Variants in DYM observed in about 807,000 individuals in gnomAD.
DYM encodes the protein dymeclin.
Under a neutral mutation model 93.1 loss-of-function variants are expected in DYM, and 78 were observed. The observed-to-expected ratio is 0.84, with a 90% CI of 0.70 to 1.01. The LOEUF is 1.01. Ranked by LOEUF, DYM falls within the 50% of genes least tolerant of loss-of-function variation. The pLI, the probability that DYM is intolerant of heterozygous loss-of-function variation, is 0.00. For synonymous variants in DYM, 321 were observed against 319.7 expected (o/e 1.00, Z -0.04); for missense variants, 789 against 845.0 (o/e 0.93, Z 0.82).
chr18:49,272,248 A>G lies in DYM; in HGVS notation c.1181T>C (p.Val394Ala), dbSNP rs748947656. The G allele has an allele frequency of 3.1e-6, 5 of 1,595,930 alleles. No homozygotes were observed. In the African/African-American group the frequency reaches 6.7e-5, roughly 21 times the overall value. ...YHVEERNSHH[V>A]YMALIILLIL... ...CAACAATATTATAAGGGCCATATAC[A>G]CATGGTGTGAATTCCTTTCTTCAAC... The change falls in exon 11 of 18, where the codon GTG (valine) becomes GCG (alanine). Residue 394 changes from valine (V) to alanine (A), a missense_variant. Coordinates refer to ENST00000675505, the MANE Select transcript of DYM (RefSeq NM_001353214.3).
intron 14 of DYM, among the ~76,000 whole-genome samples, chr18:49,188,048 G>A (rs573369248): frequency 8.5e-5 from 13 of 152,224 alleles, no homozygotes; most frequent in African/African-American, 2.9e-4. Flanking sequence ...TCCCCAATAC[G>A]TAAAAAGCAG....
At chr18:49,262,377 T>C (rs966710661) in intron 11 of DYM, among the ~76,000 whole-genome samples, 1 of 152,158 alleles carries the variant, frequency 6.6e-6, no homozygotes, top group Non-Finnish European at 1.5e-5. Context: ...AATAAATTTC[T>C]ATTGTTAGGA....
intron 8 of DYM, among the ~76,000 whole-genome samples, chr18:49,297,456 T>C (rs1490534502): frequency 6.6e-6 from 1 of 152,204 alleles, no homozygotes; most frequent in Non-Finnish European, 1.5e-5. Flanking sequence ...GAGAGGGTTC[T>C]GGAGTGCTGG....
intron 17 of DYM, among the ~76,000 whole-genome samples, chr18:49,056,955 A>G (rs976196075): frequency 6.6e-6 from 1 of 152,202 alleles, no homozygotes; most frequent in East Asian, 1.9e-4. Flanking sequence ...TCAGCCTCCC[A>G]AAGTGCTGGG....
At chr18:49,211,789 GAA>G (rs1170761773) in intron 13 of DYM, among the ~76,000 whole-genome samples, 1 of 152,136 alleles carries the variant, frequency 6.6e-6, no homozygotes, top group African/African-American at 2.4e-5. Flanking sequence ...CTGAAATAGA[GAA>G]AGTCTTAAGA....
intron 15 of DYM, among the ~76,000 whole-genome samples, chr18:49,129,583 G>A (rs1434480882): frequency 6.6e-6 from 1 of 152,222 alleles, no homozygotes; most frequent in African/African-American, 2.4e-5. Context: ...AAAGGCTAAT[G>A]TGTCAGTCTT....
rs1340646206 is a variant in DYM, at chr18:49,119,640, C to T, written c.1729-714G>A. Among the ~76,000 whole-genome samples the T allele has an allele frequency of 3.9e-5, 6 of 152,044 alleles. No individual in the cohort carries two copies. The East Asian group carries it at 1.2e-3, about 29-fold the overall frequency. On this transcript the variant is annotated intron_variant, in intron 15 of 17. Coordinates refer to ENST00000675505, the MANE Select transcript of DYM (RefSeq NM_001353214.3). ...AATGTATGTAAAGGAATATCTAAAA[C>T]AATTATCAACAAAGGTGGTTAAGGG... is the stretch of plus-strand genomic sequence containing the variant.
intron 2 of DYM, among the ~76,000 whole-genome samples, chr18:49,412,601 A>G (rs2072396790): frequency 6.6e-6 from 1 of 152,184 alleles, no homozygotes; most frequent in Admixed American, 6.5e-5. Context: ...AACCAAGCAA[A>G]CCTACAAAGA....
intron 13 of DYM, among the ~76,000 whole-genome samples, chr18:49,250,486 T>C (rs1462717338): frequency 2.6e-5 from 4 of 152,178 alleles, no homozygotes; most frequent in African/African-American, 9.7e-5. Flanking sequence ...AACTAGCCCC[T>C]AGGCCAGAAA....
intron 15 of DYM, among the ~76,000 whole-genome samples, chr18:49,154,522 A>C (rs1038053111): frequency 6.6e-6 from 1 of 151,970 alleles, no homozygotes; most frequent in African/African-American, 2.4e-5. Context: ...AGTCTCCCGA[A>C]TATCTGGGAT....
At chr18:49,280,824 T>A (rs1428607777) in intron 10 of DYM, among the ~76,000 whole-genome samples, 5 of 152,220 alleles carry the variant, frequency 3.3e-5, no homozygotes, top group Non-Finnish European at 5.9e-5. Context: ...ACACATGGAA[T>A]GTTAGACCTA....
At chr18:49,446,862 C>T (rs1433925227) in intron 1 of DYM, among the ~76,000 whole-genome samples, 1 of 151,988 alleles carries the variant, frequency 6.6e-6, no homozygotes, top group East Asian at 1.9e-4. Context: ...AGTTCGAGAC[C>T]AACCTGGCCA....
chr18:49,363,633 C>G (rs565871183), intron 5 of DYM, among the ~76,000 whole-genome samples: 8 of 152,328 alleles, frequency 5.3e-5, no homozygotes, highest in African/African-American at 1.7e-4. Flanking sequence ...TTTTATCCCT[C>G]CCTCCCCAAC....
At chr18:49,211,481 T>C (rs1311841983) in intron 13 of DYM, among the ~76,000 whole-genome samples, 1 of 152,210 alleles carries the variant, frequency 6.6e-6, no homozygotes, top group Non-Finnish European at 1.5e-5. Flanking sequence ...ACATCAAAAC[T>C]ATATCAAAGT....
intron 14 of DYM, among the ~76,000 whole-genome samples, chr18:49,203,896 A>AAC (rs1279612921): frequency 7.4e-6 from 1 of 135,076 alleles, no homozygotes; most frequent in East Asian, 2.1e-4. Flanking sequence ...AAAAAAAAAA[A>AAC]AACAACTCTG....
chr18:49,452,114 A>G (rs2082564738), intron 1 of DYM, among the ~76,000 whole-genome samples: 1 of 152,178 alleles, frequency 6.6e-6, no homozygotes, highest in South Asian at 2.1e-4. Context: ...AGACCCTCAC[A>G]GTGAGTGTTA....
chr18:49,302,119 C>CA (rs1182822199), intron 8 of DYM, among the ~76,000 whole-genome samples: 5 of 152,140 alleles, frequency 3.3e-5, no homozygotes, highest in African/African-American at 9.6e-5. Context: ...GACAATGATA[C>CA]AAAAAAAGCT....
intron 16 of DYM, among the ~76,000 whole-genome samples, chr18:49,118,020 T>C (rs1297787960): frequency 2.1e-5 from 2 of 93,528 alleles, no homozygotes; most frequent in Non-Finnish European, 4.5e-5. Context: ...TTTTTTTTTT[T>C]GTGTGTGAGA....
intron 2 of DYM, among the ~76,000 whole-genome samples, chr18:49,409,964 T>C (rs773176915): frequency 6.6e-6 from 1 of 152,222 alleles, no homozygotes; most frequent in Non-Finnish European, 1.5e-5. Context: ...TTTGTGCCTC[T>C]TTAGTGGTTT....
Sources: gnomAD v4.1 joint callset for allele counts (sites outside exome capture counted in the v4.1 genomes callset) on GRCh38, gnomAD v4.1.1 for gene constraint, MANE v1.5 for transcripts, NCBI Gene and HGNC (gene_info 2026-07-23, HGNC 2026-07-21) for gene names.